CREB5: variants seen among roughly 807,000 people sequenced by gnomAD.
CREB5 encodes cyclic AMP-responsive element-binding protein 5.
CREB5 carries 19 observed loss-of-function variants against 57.1 expected under a neutral mutation model. That is an observed-to-expected ratio of 0.33 (90% CI 0.23 to 0.49). The LOEUF is 0.49. Among genes scored for constraint, CREB5 ranks in the 20% least tolerant of loss-of-function variants. The probability of loss-of-function intolerance (pLI) is 0.99; values close to 1 mark genes in which losing one functional copy is unlikely to be tolerated. For synonymous variants in CREB5, 238 were observed against 238.3 expected, an observed-to-expected ratio of 1.00 and a Z score of 0.01; for missense variants, 579 against 671.6, an observed-to-expected ratio of 0.86 and a Z score of 1.52.
chr7:28,775,564 ATT>A (rs1806577982), intron 7 of CREB5, among the ~76,000 whole-genome samples: 2 of 142,714 alleles, frequency 1.4e-5, no homozygotes, highest in South Asian at 2.3e-4. Context: ...ATATATATAT[ATT>A]AGCGTATTTT....
intron 1 of CREB5, among the ~76,000 whole-genome samples, chr7:28,321,532 G>A (rs914230520): frequency 6.6e-6 from 1 of 152,178 alleles, no homozygotes; most frequent in African/African-American, 2.4e-5. Flanking sequence ...ACTCACAAGT[G>A]CCTGGAGTCC....
At chr7:28,572,533 A>C (rs915642152) in intron 5 of CREB5, among the ~76,000 whole-genome samples, 2 of 152,218 alleles carry the variant, frequency 1.3e-5, no homozygotes, top group Admixed American at 6.5e-5. Context: ...TTCAAGGGGA[A>C]AAAACATAAA....
At chr7:28,359,744 T>A (rs1786430041) in intron 1 of CREB5, among the ~76,000 whole-genome samples, 1 of 152,170 alleles carries the variant, frequency 6.6e-6, no homozygotes, top group Admixed American at 6.5e-5. Flanking sequence ...CTTAAAAAGC[T>A]TCTGTACATC....
chr7:28,500,528 G>A (rs1203448044), intron 3 of CREB5, among the ~76,000 whole-genome samples: 3 of 152,190 alleles, frequency 2.0e-5, no homozygotes, highest in Non-Finnish European at 4.4e-5. Flanking sequence ...GAACCCAACT[G>A]TGTCCCTGGA....
At chr7:28,309,126 C>T (rs1289671343) in intron 1 of CREB5, among the ~76,000 whole-genome samples, 2 of 152,194 alleles carry the variant, frequency 1.3e-5, no homozygotes, top group Non-Finnish European at 1.5e-5. Flanking sequence ...AGCATCGGCT[C>T]TCCTGGGTCT....
At chr7:28,322,687 A>C (rs1316710986) in intron 1 of CREB5, among the ~76,000 whole-genome samples, 1 of 151,904 alleles carries the variant, frequency 6.6e-6, no homozygotes, top group African/African-American at 2.4e-5. Flanking sequence ...GTAAGTGAGA[A>C]CATGCAGTGT....
At chr7:28,355,446 A>T (rs766831617) in intron 1 of CREB5, among the ~76,000 whole-genome samples, 2 of 152,224 alleles carry the variant, frequency 1.3e-5, no homozygotes, top group Non-Finnish European at 2.9e-5. Context: ...TAAAATCATA[A>T]TAAGACTTTA....
intron 4 of CREB5, among the ~76,000 whole-genome samples, chr7:28,551,478 A>G (rs891664985): frequency 2.0e-5 from 3 of 152,154 alleles, no homozygotes; most frequent in African/African-American, 4.8e-5. Flanking sequence ...TTCTCAGCCA[A>G]CTGGTGACTA....
chr7:28,429,217 G>A (rs1310411619), intron 1 of CREB5, among the ~76,000 whole-genome samples: 4 of 151,896 alleles, frequency 2.6e-5, no homozygotes, highest in African/African-American at 9.7e-5. Flanking sequence ...GTAGAGATGG[G>A]GTTTCACCAT....
chr7:28,760,060 C>T (rs910996247), intron 7 of CREB5, among the ~76,000 whole-genome samples: 2 of 152,168 alleles, frequency 1.3e-5, no homozygotes, highest in African/African-American at 4.8e-5. Flanking sequence ...TAAAGGTAGA[C>T]GCCAAGAGAA....
intron 1 of CREB5, among the ~76,000 whole-genome samples, chr7:28,382,069 C>T (rs561261603): frequency 2.0e-5 from 3 of 151,902 alleles, no homozygotes; most frequent in Non-Finnish European, 2.9e-5. Context: ...GCGGAAGGCC[C>T]GAGAGCCCAG....
chr7:28,620,189 A>C (rs1797741450), intron 5 of CREB5, among the ~76,000 whole-genome samples: 1 of 152,212 alleles, frequency 6.6e-6, no homozygotes, highest in Non-Finnish European at 1.5e-5. Context: ...AGAAAAACTC[A>C]GAACAAACCA....
intron 3 of CREB5, among the ~76,000 whole-genome samples, chr7:28,501,026 G>T (rs150239660): frequency 2.0e-5 from 3 of 152,028 alleles, no homozygotes; most frequent in African/African-American, 7.3e-5. Context: ...CAGTCATTGC[G>T]CCCTGTGCTT....
chr7:28,489,668 C>T (rs1269006613), intron 2 of CREB5, among the ~76,000 whole-genome samples: 1 of 152,068 alleles, frequency 6.6e-6, no homozygotes, highest in Non-Finnish European at 1.5e-5. Context: ...AAGGAAGAGG[C>T]CATAGAAATA....
chr7:28,456,740 G>C (rs912345729), intron 1 of CREB5, among the ~76,000 whole-genome samples: 18 of 152,176 alleles, frequency 1.2e-4, no homozygotes, highest in African/African-American at 4.3e-4. Flanking sequence ...TTAAATATGG[G>C]TGTTGTGTCT....
At chr7:28,812,318 G>A (rs1302988167) in intron 9 of CREB5, among the ~76,000 whole-genome samples, 3 of 152,234 alleles carry the variant, frequency 2.0e-5, no homozygotes, top group Non-Finnish European at 4.4e-5. Flanking sequence ...TCATAGCAGA[G>A]AGCCAGGAAA....
intron 1 of CREB5, among the ~76,000 whole-genome samples, chr7:28,385,862 G>C (rs1245555635): frequency 6.6e-6 from 1 of 151,956 alleles, no homozygotes; most frequent in Non-Finnish European, 1.5e-5. Context: ...ATTTTTTAGA[G>C]TGCTGTGGCT....
At chr7:28,401,182 A>G (rs1240569451) in intron 1 of CREB5, among the ~76,000 whole-genome samples, 1 of 152,140 alleles carries the variant, frequency 6.6e-6, no homozygotes, top group African/African-American at 2.4e-5. Flanking sequence ...GATAAGAGCA[A>G]CTTTTATAGG....
intron 1 of CREB5, among the ~76,000 whole-genome samples, chr7:28,329,755 T>C (rs1177134321): frequency 2.0e-5 from 3 of 152,236 alleles, no homozygotes; most frequent in African/African-American, 7.2e-5. Context: ...TGATGATTTA[T>C]GCCCTTGGCA....
Sources: gnomAD v4.1 joint callset for allele counts (sites outside exome capture counted in the v4.1 genomes callset) on GRCh38, gnomAD v4.1.1 for gene constraint, MANE v1.5 for transcripts, NCBI Gene and HGNC (gene_info 2026-07-23, HGNC 2026-07-21) for gene names.